The following BCL2 variants were observed in gnomAD, a reference collection of about 807,000 sequenced individuals.
The protein encoded by BCL2 is apoptosis regulator Bcl-2.
BCL2 carries 1 observed loss-of-function variant against 14.2 expected under a neutral mutation model. The observed-to-expected ratio is 0.07, with a 90% CI of 0.02 to 0.33. The LOEUF (loss-of-function observed/expected upper bound fraction) is 0.33, where lower values mean the gene tolerates loss of function less well. Among genes scored for constraint, BCL2 ranks in the 10% least tolerant of loss-of-function variants. BCL2 has a pLI of 0.99. For missense variants in BCL2, 247 were observed against 305.9 expected (o/e 0.81, Z 1.44); for synonymous variants, 151 against 137.2 (o/e 1.10, Z -0.70).
chr18:63,199,499 C>A (rs1909623805), intron 2 of BCL2, among the ~76,000 whole-genome samples: 1 of 150,354 alleles, frequency 6.7e-6, no homozygotes, highest in Non-Finnish European at 1.5e-5. Context: ...GAGACACATG[C>A]ATACACAGAC....
intron 2 of BCL2, among the ~76,000 whole-genome samples, chr18:63,198,476 TGACA>T (rs1319744985): frequency 4.0e-5 from 1 of 24,782 alleles, no homozygotes; most frequent in African/African-American, 1.9e-4. Flanking sequence ...AGACACACAC[TGACA>T]GAGACACACA....
rs553950199 is a variant in BCL2 at position 63,201,878 on chromosome 18, T to C, written c.586-73119A>G. On this transcript the variant is annotated intron_variant, in intron 2 of 2. Transcript: ENST00000333681. The stretch of plus-strand genomic sequence containing the variant: ...AGCATTAGGAGAAATACCTAATGTA[T>C]GTGACAGGGTGATGAGTGCAGCAAA... Among the ~76,000 whole-genome samples the C allele has an allele frequency of 1.1e-4, 16 of 152,204 alleles. No homozygotes were observed. The East Asian group carries it at 2.7e-3, about 26-fold the overall frequency.
intron 2 of BCL2, among the ~76,000 whole-genome samples, chr18:63,186,784 ATATAAACTGTAAACCC>A (rs753109375): frequency 2.0e-5 from 3 of 152,254 alleles, no homozygotes; most frequent in Non-Finnish European, 4.4e-5. Flanking sequence ...ACTGTGGTGT[ATATAAACTGTAAACCC>A]AAGTTTATAC....
chr18:63,259,590 T>G (rs1400387719), intron 2 of BCL2, among the ~76,000 whole-genome samples: 1 of 152,268 alleles, frequency 6.6e-6, no homozygotes, highest in Non-Finnish European at 1.5e-5. Context: ...GCTTTTATTT[T>G]CATCCTGGCC....
At chr18:63,284,708 C>T (rs1049435361) in intron 2 of BCL2, among the ~76,000 whole-genome samples, 2 of 152,166 alleles carry the variant, frequency 1.3e-5, no homozygotes, top group South Asian at 2.1e-4. Context: ...CAGAGAACAC[C>T]GCCAGGCTAG....
At position 63,318,064 on chromosome 18, in the gene BCL2, A is replaced by G. The variant is rs1292259952; in HGVS notation, c.585+18T>C. ...ACCTGTGGCCTCAGCCCAGACTCACATCACCAAGTGCACCTACCCAGCCTC... is the reference window on the plus strand; with the variant it reads ...ACCTGTGGCCTCAGCCCAGACTCACGTCACCAAGTGCACCTACCCAGCCTC... On this transcript the variant is annotated intron_variant, in intron 2 of 2. Coordinates refer to ENST00000333681, the MANE Select transcript of BCL2 (RefSeq NM_000633.3). The surrounding 1 kb of genome is among the most constrained non-coding windows in gnomAD (Gnocchi z 7.4). 1.2e-6 allele frequency: 2 copies of G among 1,613,064 alleles called. No homozygotes were observed. The highest frequency in any genetic ancestry group is 3.3e-5 in the Admixed American group (2 of 59,944).
chr18:63,261,517 C>T (rs1230749274), intron 2 of BCL2, among the ~76,000 whole-genome samples: 3 of 152,196 alleles, frequency 2.0e-5, no homozygotes, highest in Non-Finnish European at 4.4e-5. Flanking sequence ...GAGAGCCATG[C>T]AGGGCAGCCT....
chr18:63,182,545 G>A (rs1218188649), intron 2 of BCL2, among the ~76,000 whole-genome samples: 2 of 152,186 alleles, frequency 1.3e-5, no homozygotes, highest in Admixed American at 6.5e-5. Context: ...CCTTGAGACC[G>A]GGGGATGTCC....
intron 2 of BCL2, among the ~76,000 whole-genome samples, chr18:63,212,124 G>A (rs565451453): frequency 3.5e-4 from 53 of 151,984 alleles, no homozygotes; most frequent in African/African-American, 1.2e-3. Flanking sequence ...TCAGGAGTTC[G>A]AGACCATCCT....
intron 2 of BCL2, among the ~76,000 whole-genome samples, chr18:63,309,831 C>T (rs1009245839): frequency 1.3e-5 from 2 of 152,028 alleles, no homozygotes; most frequent in Non-Finnish European, 2.9e-5. Flanking sequence ...TATGCACATC[C>T]TCCTATATAC....
chr18:63,143,917 G>A (rs989625967), intron 2 of BCL2, among the ~76,000 whole-genome samples: 1 of 152,140 alleles, frequency 6.6e-6, no homozygotes, highest in Non-Finnish European at 1.5e-5. Flanking sequence ...CCATGACAAT[G>A]AGCTCCTTAA....
At chr18:63,212,608 G>C (rs1355828831) in intron 2 of BCL2, among the ~76,000 whole-genome samples, 4 of 151,976 alleles carry the variant, frequency 2.6e-5, no homozygotes, top group African/African-American at 9.7e-5. Flanking sequence ...CGGGTGCGGT[G>C]GCTCACAACT....
rs1334530627 is a variant in BCL2, at chr18:63,128,606, T to C, written c.*19A>G. 1.3e-6 allele frequency: 1 copy of C among 779,096 alleles called. No homozygotes were observed. The highest frequency in any genetic ancestry group is 2.4e-6 in the Non-Finnish European group (1 of 417,010). The allele number at this position is 779,096 out of a possible 1,614,324, so 48.3% of individuals were successfully genotyped here. On this transcript the variant is annotated 3_prime_UTR_variant, in exon 3 of 3. Coordinates refer to ENST00000333681, the MANE Select transcript of BCL2 (RefSeq NM_000633.3). ...TTAGTGAACCTTTTGCATATTTGTT[T>C]GGGGCAGGCATGTTGACTTCACTTG...
intron 2 of BCL2, among the ~76,000 whole-genome samples, chr18:63,255,630 T>G (rs1243776729): frequency 1.3e-5 from 2 of 152,210 alleles, no homozygotes; most frequent in Admixed American, 1.3e-4. Context: ...ATTGACCTGC[T>G]GACTAAACTT....
intron 2 of BCL2, among the ~76,000 whole-genome samples, chr18:63,292,933 A>C (rs1912692639): frequency 6.6e-6 from 1 of 152,250 alleles, no homozygotes; most frequent in Non-Finnish European, 1.5e-5. Flanking sequence ...GCAGGTGATG[A>C]GTAATAATAG....
At chr18:63,250,314 G>C (rs1246551665) in intron 2 of BCL2, among the ~76,000 whole-genome samples, 1 of 152,094 alleles carries the variant, frequency 6.6e-6, no homozygotes, top group African/African-American at 2.4e-5. Context: ...TACCATTCAT[G>C]AAAAATGAAT....
intron 2 of BCL2, among the ~76,000 whole-genome samples, chr18:63,237,184 C>T (rs891987133): frequency 1.3e-5 from 2 of 152,118 alleles, no homozygotes; most frequent in African/African-American, 4.8e-5. Context: ...GGTATGGAGG[C>T]CGAGAGAGGC....
At chr18:63,243,477 T>G (rs893477796) in intron 2 of BCL2, among the ~76,000 whole-genome samples, 1 of 152,172 alleles carries the variant, frequency 6.6e-6, no homozygotes, top group Non-Finnish European at 1.5e-5. Context: ...CAAGTTTATC[T>G]GTGTAACAAA....
At chr18:63,309,949 G>A (rs138219379) in intron 2 of BCL2, among the ~76,000 whole-genome samples, 5,859 of 152,004 alleles carry the variant, frequency 0.039, 152 homozygotes, top group Middle Eastern at 0.061. Context: ...TGCAACCTCC[G>A]CCTCCTGGGT....
Sources: gnomAD v4.1 joint callset for allele counts (sites outside exome capture counted in the v4.1 genomes callset) on GRCh38, gnomAD v4.1.1 for gene constraint, Gnocchi (gnomAD v3.1) non-coding constraint, MANE v1.5 for transcripts, NCBI Gene and HGNC (gene_info 2026-07-23, HGNC 2026-07-21) for gene names.